Variants in EXOC4 observed in about 807,000 individuals in gnomAD.
The protein encoded by EXOC4 is SEC8-like 1.
A neutral mutation model predicts 107.2 loss-of-function variants in EXOC4; 71 were observed. That is an observed-to-expected ratio of 0.66 (90% confidence interval 0.55 to 0.81). EXOC4 has a LOEUF of 0.81. EXOC4 is among the 30% of genes least tolerant of loss of function. EXOC4 has a pLI of 0.00. For missense variants in EXOC4, 1,108 were observed against 1,189.6 expected, an observed-to-expected ratio of 0.93 and a Z score of 1.01; for synonymous variants, 456 against 441.2, an observed-to-expected ratio of 1.03 and a Z score of -0.42.
intron 11 of EXOC4, among the ~76,000 whole-genome samples, chr7:133,819,504 C>CATGG (rs59990439): frequency 0.12 from 18,159 of 151,566 alleles, 1,191 homozygotes; most frequent in African/African-American, 0.16. Flanking sequence ...ATGCATGTTG[C>CATGG]ATGGATGGAT....
In EXOC4 at chr7:134,047,389, A is replaced by G. The variant is rs1161266501; in HGVS notation, c.2688-16902A>G. On this transcript the variant is annotated intron_variant, in intron 17 of 17. Transcript: ENST00000253861. ...GCAGCCTCAGTATTAGTCTTTTTGTATGGAAAGGGCCACGTAAAAAAAAAA... is the reference window on the plus strand; with the variant it reads ...GCAGCCTCAGTATTAGTCTTTTTGTGTGGAAAGGGCCACGTAAAAAAAAAA... 2.6e-5 allele frequency among the ~76,000 whole-genome samples: 4 copies of G among 152,054 alleles called. No homozygotes were observed. The East Asian group carries it at 7.8e-4, about 29-fold the overall frequency.
intron 10 of EXOC4, among the ~76,000 whole-genome samples, chr7:133,722,348 T>A (rs1226840360): frequency 6.6e-6 from 1 of 152,244 alleles, no homozygotes; most frequent in Non-Finnish European, 1.5e-5. Flanking sequence ...ACATTCTTGT[T>A]ACCTTTGCAT....
At chr7:133,371,443 C>T (rs1018875235) in intron 6 of EXOC4, among the ~76,000 whole-genome samples, 2 of 152,022 alleles carry the variant, frequency 1.3e-5, no homozygotes, top group African/African-American at 4.8e-5. Flanking sequence ...TTTTGTGTCT[C>T]TATAAATTTG....
At chr7:133,406,989 C>T (rs920324115) in intron 7 of EXOC4, among the ~76,000 whole-genome samples, 10 of 152,170 alleles carry the variant, frequency 6.6e-5, no homozygotes, top group African/African-American at 2.2e-4. Flanking sequence ...AAGACTGTTT[C>T]CTTGACAGAA....
chr7:133,478,126 C>CTT (rs371600820), intron 8 of EXOC4, among the ~76,000 whole-genome samples: 4 of 143,602 alleles, frequency 2.8e-5, no homozygotes, highest in Non-Finnish European at 3.1e-5. Flanking sequence ...CTTTTCTTTT[C>CTT]TTTTTTTTTT....
At chr7:133,725,119 C>T (rs1463499217) in intron 10 of EXOC4, among the ~76,000 whole-genome samples, 2 of 152,144 alleles carry the variant, frequency 1.3e-5, no homozygotes, top group African/African-American at 4.8e-5. Flanking sequence ...TTATTGAACA[C>T]TTGAAATGTT....
intron 17 of EXOC4, among the ~76,000 whole-genome samples, chr7:134,035,620 C>CT (rs1383880240): frequency 1.3e-5 from 2 of 151,424 alleles, no homozygotes; most frequent in Admixed American, 6.6e-5. Flanking sequence ...TGACTTTAAA[C>CT]TTTTTTTTTC....
chr7:133,483,628 A>G (rs1201489128), intron 9 of EXOC4, among the ~76,000 whole-genome samples: 1 of 152,242 alleles, frequency 6.6e-6, no homozygotes, highest in Admixed American at 6.5e-5. Context: ...TAGCAACCAC[A>G]TTATGTTCCT....
At chr7:133,997,004 G>A (rs1254556563) in intron 14 of EXOC4, among the ~76,000 whole-genome samples, 1 of 152,158 alleles carries the variant, frequency 6.6e-6, no homozygotes, top group Non-Finnish European at 1.5e-5. Context: ...AGTTAATGAA[G>A]GCAGATGTTG....
intron 10 of EXOC4, among the ~76,000 whole-genome samples, chr7:133,681,853 T>C (rs1181700077): frequency 6.6e-6 from 1 of 152,126 alleles, no homozygotes; most frequent in Non-Finnish European, 1.5e-5. Context: ...TTAATACATA[T>C]GAAATGCTTA....
chr7:133,480,606 A>G (rs1337637622), intron 9 of EXOC4: 2 of 218,542 alleles, frequency 9.2e-6, no homozygotes, highest in Non-Finnish European at 1.6e-5. Context: ...ACTGTGATGA[A>G]CAGGCTATTT....
chr7:133,574,145 G>A lies in EXOC4; in HGVS notation c.1418-55900G>A, dbSNP rs1294465780. Among the ~76,000 whole-genome samples the A allele has an allele frequency of 3.9e-5, 6 of 152,162 alleles. No homozygotes were observed. The South Asian group carries it at 1.0e-3, about 26-fold the overall frequency. On this transcript the variant is annotated intron_variant, in intron 9 of 17. Coordinates refer to ENST00000253861, the MANE Select transcript of EXOC4 (RefSeq NM_021807.4). ...CTGATATCTGATGTAAGTAGAAAGT[G>A]TGTAATATATATAAGAAGTAGCTCT...
At chr7:133,987,680 A>G (rs922132852) in intron 14 of EXOC4, among the ~76,000 whole-genome samples, 1 of 152,164 alleles carries the variant, frequency 6.6e-6, no homozygotes, top group South Asian at 2.1e-4. Context: ...GTCTTTTTCT[A>G]TCTTCTAGAA....
chr7:133,645,274 G>A (rs1422681509), intron 10 of EXOC4, among the ~76,000 whole-genome samples: 1 of 151,544 alleles, frequency 6.6e-6, no homozygotes, highest in Admixed American at 6.6e-5. Context: ...TGTATTTTTA[G>A]TAGAGTTGGG....
chr7:133,402,624 A>G (rs1297827447), intron 7 of EXOC4, among the ~76,000 whole-genome samples: 4 of 152,006 alleles, frequency 2.6e-5, no homozygotes, highest in African/African-American at 9.7e-5. Context: ...TTAGCCTCCC[A>G]AATAGCTGGG....
chr7:133,917,886 C>T lies in EXOC4; in HGVS notation c.2027+148C>T, dbSNP rs1007601222. 1.1e-5 allele frequency: 8 copies of T among 748,152 alleles called. No homozygotes were observed. The African/African-American group carries it at 1.3e-4, about 12-fold the overall frequency. 46.3% of individuals were successfully genotyped at this position (748,152 alleles called of 1,614,324 possible). ...TAAAATATGTTTTCCTCCTGTCTCA[C>T]CTCATTTCCCATGCAAGTGTGCCTT... On this transcript the variant is annotated intron_variant, in intron 13 of 17. Coordinates refer to ENST00000253861, the MANE Select transcript of EXOC4 (RefSeq NM_021807.4).
At chr7:133,568,482 A>G (rs1338827900) in intron 9 of EXOC4, among the ~76,000 whole-genome samples, 1 of 152,176 alleles carries the variant, frequency 6.6e-6, no homozygotes, top group Non-Finnish European at 1.5e-5. Context: ...TAACTTTTAT[A>G]GTTTGTTTTA....
At chr7:133,696,026 A>T (rs908904234) in intron 10 of EXOC4, among the ~76,000 whole-genome samples, 5 of 152,248 alleles carry the variant, frequency 3.3e-5, no homozygotes, top group Non-Finnish European at 5.9e-5. Context: ...TCATTAAAAA[A>T]TAAAACATTT....
At chr7:133,328,532 A>T (rs960121856) in intron 5 of EXOC4, among the ~76,000 whole-genome samples, 2 of 152,036 alleles carry the variant, frequency 1.3e-5, no homozygotes, top group Admixed American at 6.5e-5. Context: ...TGGTCTTTAC[A>T]GTTTGGTATG....
Sources: gnomAD v4.1 joint callset for allele counts (sites outside exome capture counted in the v4.1 genomes callset) on GRCh38, gnomAD v4.1.1 for gene constraint, MANE v1.5 for transcripts, NCBI Gene and HGNC (gene_info 2026-07-23, HGNC 2026-07-21) for gene names.